ADAMTS2: variants seen among roughly 807,000 people sequenced by gnomAD.
The protein encoded by ADAMTS2 is A disintegrin and metalloproteinase with thrombospondin motifs 2.
In ADAMTS2, 50 loss-of-function variants were observed where a neutral mutation model predicts 123.0. That is an observed-to-expected ratio of 0.41 (90% CI 0.32 to 0.51). ADAMTS2 has a LOEUF of 0.51. Among genes scored for constraint, ADAMTS2 ranks in the 20% least tolerant of loss-of-function variants. The pLI, the probability that ADAMTS2 is intolerant of heterozygous loss-of-function variation, is 0.35. For synonymous variants in ADAMTS2, 678 were observed against 695.4 expected (o/e 0.98, Z 0.39); for missense variants, 1,494 against 1,705.2 (o/e 0.88, Z 2.18).
At chr5:179,289,795 G>T (rs1756134098) in intron 2 of ADAMTS2, among the ~76,000 whole-genome samples, 1 of 152,182 alleles carries the variant, frequency 6.6e-6, no homozygotes, top group Non-Finnish European at 1.5e-5. Flanking sequence ...CCTACGGAGG[G>T]CACAGTGCTT....
intron 2 of ADAMTS2, among the ~76,000 whole-genome samples, chr5:179,325,542 C>A (rs1355686599): frequency 6.6e-6 from 1 of 152,240 alleles, no homozygotes; most frequent in African/African-American, 2.4e-5. Flanking sequence ...AGTCCTGTGA[C>A]GAGGCCTGGC....
At chr5:179,210,621 C>T (rs1293801286) in intron 3 of ADAMTS2, among the ~76,000 whole-genome samples, 4 of 152,216 alleles carry the variant, frequency 2.6e-5, no homozygotes, top group Admixed American at 1.3e-4. Context: ...GGCCACCTGG[C>T]AGGTGACAGC....
intron 3 of ADAMTS2, among the ~76,000 whole-genome samples, chr5:179,245,800 A>AAACAAC (rs1561628817): frequency 6.3e-5 from 9 of 142,736 alleles, no homozygotes; most frequent in African/African-American, 2.4e-4. Context: ...AAAAAACAAA[A>AAACAAC]AAAACAAAGA....
At chr5:179,304,733 C>T (rs1756625191) in intron 2 of ADAMTS2, among the ~76,000 whole-genome samples, 1 of 152,198 alleles carries the variant, frequency 6.6e-6, no homozygotes, top group South Asian at 2.1e-4. Context: ...ATCTAACTAA[C>T]AGTCATGTCC....
At chr5:179,139,720 G>T (rs1763127362) in intron 11 of ADAMTS2, among the ~76,000 whole-genome samples, 170 bp downstream of exon 11, 1 of 152,148 alleles carries the variant, frequency 6.6e-6, no homozygotes, top group African/African-American at 2.4e-5. Flanking sequence ...AGCGTCCCCT[G>T]AGCCGTCACC....
At position 179,113,861 on chromosome 5, in the gene ADAMTS2, A is replaced by T. The variant is rs1261485373; in HGVS notation, c.*6T>A. On this transcript the variant is annotated 3_prime_UTR_variant, in exon 22 of 22. Transcript: ENST00000251582. ...AAAATGCTAGGGATGCTATCTTTCC[A>T]TTTTATTAGAACTTTCCGAGCATCT... is the stretch of plus-strand genomic sequence containing the variant. 6.2e-7 allele frequency: 1 copy of T among 1,613,784 alleles called. No homozygotes were observed. The highest frequency in any genetic ancestry group is 8.5e-7 in the Non-Finnish European group (1 of 1,179,694).
At position 179,308,707 on chromosome 5, in the gene ADAMTS2, A is replaced by C. The variant is rs773722668; in HGVS notation, c.534+35060T>G. On this transcript the variant is annotated intron_variant, in intron 2 of 21. Coordinates refer to ENST00000251582, the MANE Select transcript of ADAMTS2 (RefSeq NM_014244.5). The surrounding 1 kb of genome is among the most constrained non-coding windows in gnomAD (Gnocchi z 6.6). ...CTCCTTCCTAAGGTGGTGTCCCAGCAGATGAATCTGGCTGGCGTCCTGAGT... is the reference window on the plus strand; with the variant it reads ...CTCCTTCCTAAGGTGGTGTCCCAGCCGATGAATCTGGCTGGCGTCCTGAGT... Among the ~76,000 whole-genome samples, 6 of 152,244 alleles carry C rather than the reference A, an allele frequency of 3.9e-5. No homozygotes were observed. The highest frequency in any genetic ancestry group is 8.8e-5 in the Non-Finnish European group (6 of 68,032).
chr5:179,198,554 C>T (rs1764483889), intron 4 of ADAMTS2, among the ~76,000 whole-genome samples: 1 of 152,214 alleles, frequency 6.6e-6, no homozygotes, highest in Admixed American at 6.5e-5. Flanking sequence ...CCAGTGTAGG[C>T]CGGGAGCAGT....
At chr5:179,221,972 T>C (rs971352252) in intron 3 of ADAMTS2, among the ~76,000 whole-genome samples, 3 of 152,274 alleles carry the variant, frequency 2.0e-5, no homozygotes, top group South Asian at 4.2e-4. Flanking sequence ...CTCTCAGACC[T>C]GCCTCTCCCA....
rs912365003 is a variant in ADAMTS2, at chr5:179,314,691, G to A, written c.534+29076C>T. ...CCAGAATTACAAGCCCCTGATTCTG[G>A]GGGCTTCCACGCTCTTCCACCAAGC... On this transcript the variant is annotated intron_variant, in intron 2 of 21. Transcript: ENST00000251582. This position sits in a 1 kb window ranked among gnomAD's most constrained non-coding sequence, Gnocchi z 4.5. 2.8e-4 allele frequency among the ~76,000 whole-genome samples: 42 copies of A among 151,376 alleles called. No individual in the cohort carries two copies. Among genetic ancestry groups the A allele is most frequent in the African/African-American group, 9.3e-4 (38 of 40,794 alleles).
chr5:179,226,600 C>T (rs1400931527), intron 3 of ADAMTS2, among the ~76,000 whole-genome samples: 3 of 152,060 alleles, frequency 2.0e-5, no homozygotes, highest in Admixed American at 2.0e-4. Flanking sequence ...AGACGCTCGA[C>T]CTCACCCTTA....
chr5:179,140,614 T>G (rs891807526), intron 10 of ADAMTS2, among the ~76,000 whole-genome samples: 12 of 152,110 alleles, frequency 7.9e-5, no homozygotes, highest in Admixed American at 5.9e-4. Context: ...GGACCCACTT[T>G]AAGAAGAAGA....
At chr5:179,282,484 C>G (rs1259837282) in intron 2 of ADAMTS2, among the ~76,000 whole-genome samples, 1 of 152,200 alleles carries the variant, frequency 6.6e-6, no homozygotes, top group Non-Finnish European at 1.5e-5. Flanking sequence ...TTCTACCAAT[C>G]TATATGTCTA....
chr5:179,270,653 C>T (rs1186314544), intron 3 of ADAMTS2, among the ~76,000 whole-genome samples: 1 of 152,206 alleles, frequency 6.6e-6, no homozygotes, highest in African/African-American at 2.4e-5. Context: ...CCTGAAAAGG[C>T]CCAGGCAGAT....
chr5:179,334,191 T>C (rs116746097), intron 2 of ADAMTS2, among the ~76,000 whole-genome samples: 1,589 of 152,300 alleles, frequency 0.01, 28 homozygotes, highest in African/African-American at 0.036. Context: ...GGTCCTGTTC[T>C]TCCAGAAGTC....
intron 2 of ADAMTS2, among the ~76,000 whole-genome samples, 161 bp downstream of exon 2, chr5:179,343,606 G>A (rs1308482801): frequency 6.6e-6 from 1 of 152,248 alleles, no homozygotes. Context: ...CTGCTTTCCA[G>A]CCAAGCCCTT....
chr5:179,211,335 G>GCGGCCTTCCTTTCCTCTGTGTT (rs1764845281), intron 3 of ADAMTS2, among the ~76,000 whole-genome samples: 1 of 151,038 alleles, frequency 6.6e-6, no homozygotes, highest in Non-Finnish European at 1.5e-5. Flanking sequence ...TCCTCTGTGT[G>GCGGCCTTCCTTTCCTCTGTGTT]CAGCCTTCCC....
chr5:179,271,058 T>C (rs1462713996), intron 3 of ADAMTS2, among the ~76,000 whole-genome samples: 11 of 152,224 alleles, frequency 7.2e-5, no homozygotes, highest in Non-Finnish European at 8.8e-5. Context: ...ACCCAGCGTC[T>C]TCTAAGGCCA....
chr5:179,316,664 C>T (rs910379413), intron 2 of ADAMTS2, among the ~76,000 whole-genome samples: 10 of 152,170 alleles, frequency 6.6e-5, no homozygotes, highest in East Asian at 3.8e-4. Context: ...GAAGTGGGGA[C>T]GGGACGCAGT....
Sources: gnomAD v4.1 joint callset for allele counts (sites outside exome capture counted in the v4.1 genomes callset) on GRCh38, gnomAD v4.1.1 for gene constraint, Gnocchi (gnomAD v3.1) non-coding constraint, MANE v1.5 for transcripts, NCBI Gene and HGNC (gene_info 2026-07-23, HGNC 2026-07-21) for gene names.